Variants in PTPRK observed in about 807,000 individuals in gnomAD.
PTPRK encodes the protein protein tyrosine phosphatase receptor type K, also known as receptor-type tyrosine-protein phosphatase kappa.
PTPRK carries 75 observed loss-of-function variants against 178.0 expected under a neutral mutation model. That is an observed-to-expected ratio of 0.42 (90% CI 0.35 to 0.51). The LOEUF is 0.51. Ranked by LOEUF, PTPRK falls within the 20% of genes least tolerant of loss-of-function variation. The pLI, the probability that PTPRK is intolerant of heterozygous loss-of-function variation, is 0.02. For missense variants in PTPRK, 1,441 were observed against 1,797.8 expected (o/e 0.80, Z 3.59); for synonymous variants, 637 against 620.6 (o/e 1.03, Z -0.39).
intron 2 of PTPRK, among the ~76,000 whole-genome samples, chr6:128,324,651 C>A (rs1829303099): frequency 6.6e-6 from 1 of 152,062 alleles, no homozygotes; most frequent in South Asian, 2.1e-4. Flanking sequence ...TTCAATAATG[C>A]CTGACTACTG....
chr6:128,184,542 C>A lies in PTPRK; in HGVS notation c.1052G>T (p.Trp351Leu), dbSNP rs1404607466. The stretch of plus-strand genomic sequence containing the variant: ...ATATTCGGTATCTGGATCTAAATGC[C>A]ATAATTTGTAAGTTGGAGCATTGAC... The part of the protein sequence containing the change: ...HAVNAPTYKL[W>L]HLDPDTEYEI... The change falls in exon 7 of 30, where the codon TGG (tryptophan) becomes TTG (leucine). Residue 351 changes from tryptophan to leucine, a missense_variant. This residue lies in a region of PTPRK where 945 missense variants were observed against 1,080.6 expected (regional missense o/e 0.87). Transcript: ENST00000368226. 3 of 1,613,756 alleles carry A rather than the reference C, an allele frequency of 1.9e-6. No homozygotes were observed. The highest frequency in any genetic ancestry group is 2.5e-6 in the Non-Finnish European group (3 of 1,179,900).
chr6:128,243,817 TTTGCAA>T (rs1281347330), intron 3 of PTPRK, among the ~76,000 whole-genome samples: 1 of 152,240 alleles, frequency 6.6e-6, no homozygotes, highest in Non-Finnish European at 1.5e-5. Context: ...TTTTGGAGTA[TTTGCAA>T]AGCATTTTTT....
Position 128,363,523 on chromosome 6 carries a change from A to G in PTPRK, c.223+34043T>C, listed in dbSNP as rs750046367. Among the ~76,000 whole-genome samples the G allele has an allele frequency of 6.6e-5, 10 of 152,182 alleles. No individual in the cohort carries two copies. In the East Asian group the frequency reaches 1.7e-3, roughly 26 times the overall value. Reference sequence around the variant, plus strand: ...CAAAATCAAAGAGTTGGTCATATCAATGGTCTGTTCTAAACTACTTGATAA... The same window carrying G: ...CAAAATCAAAGAGTTGGTCATATCAGTGGTCTGTTCTAAACTACTTGATAA... On this transcript the variant is annotated intron_variant, in intron 2 of 29. Coordinates refer to ENST00000368226, the MANE Select transcript of PTPRK (RefSeq NM_002844.4).
intron 1 of PTPRK, among the ~76,000 whole-genome samples, chr6:128,480,390 C>A (rs1447663923): frequency 7.2e-6 from 1 of 138,796 alleles, no homozygotes; most frequent in African/African-American, 2.9e-5. Flanking sequence ...TCCCAAACCC[C>A]TAGGCTCATA....
intron 2 of PTPRK, among the ~76,000 whole-genome samples, chr6:128,373,912 A>C (rs1260126489): frequency 6.6e-6 from 1 of 152,214 alleles, no homozygotes; most frequent in Non-Finnish European, 1.5e-5. Flanking sequence ...TGTTACAATT[A>C]ATTGTATTCC....
intron 7 of PTPRK, among the ~76,000 whole-genome samples, chr6:128,102,241 G>T (rs1413823749): frequency 1.3e-5 from 2 of 152,120 alleles, no homozygotes; most frequent in East Asian, 3.8e-4. Context: ...TAATTAGCAA[G>T]AAATTACAGA....
At chr6:128,200,653 T>C (rs567321170) in intron 6 of PTPRK, among the ~76,000 whole-genome samples, 4 of 151,584 alleles carry the variant, frequency 2.6e-5, no homozygotes, top group Non-Finnish European at 4.4e-5. Context: ...ATTGCTTGTA[T>C]CTGGGAGGCT....
intron 3 of PTPRK, among the ~76,000 whole-genome samples, chr6:128,257,113 C>T (rs867802297): frequency 2.6e-5 from 4 of 151,708 alleles, no homozygotes; most frequent in African/African-American, 9.7e-5. Flanking sequence ...GCCTGTAATC[C>T]CAGCTACTCG....
chr6:128,201,175 C>T (rs78335515), intron 6 of PTPRK, among the ~76,000 whole-genome samples: 3,784 of 152,170 alleles, frequency 0.025, 97 homozygotes, highest in African/African-American at 0.067. Flanking sequence ...CAAAGAATCT[C>T]ATGATATTAT....
chr6:128,353,462 G>A (rs1311006320), intron 2 of PTPRK, among the ~76,000 whole-genome samples: 1 of 152,068 alleles, frequency 6.6e-6, no homozygotes, highest in Non-Finnish European at 1.5e-5. Context: ...AAACAAAAAT[G>A]TCCCTCAATG....
chr6:128,277,302 T>C (rs1820874205), intron 3 of PTPRK, among the ~76,000 whole-genome samples: 1 of 152,138 alleles, frequency 6.6e-6, no homozygotes. Flanking sequence ...CATAGTACAT[T>C]GAACCAAATA....
At chr6:128,212,207 T>C (rs1808317681) in intron 6 of PTPRK, among the ~76,000 whole-genome samples, 1 of 152,058 alleles carries the variant, frequency 6.6e-6, no homozygotes, top group African/African-American at 2.4e-5. Flanking sequence ...AATTATGAGA[T>C]TCTTAAGTAC....
At chr6:128,024,321 T>G (rs1321745269) in intron 13 of PTPRK, among the ~76,000 whole-genome samples, 2 of 152,222 alleles carry the variant, frequency 1.3e-5, no homozygotes, top group Non-Finnish European at 2.9e-5. Context: ...TAACAGATGA[T>G]GTTCTCAATA....
intron 2 of PTPRK, among the ~76,000 whole-genome samples, chr6:128,346,793 T>C (rs1325506060): frequency 1.3e-5 from 2 of 151,992 alleles, no homozygotes; most frequent in Non-Finnish European, 2.9e-5. Flanking sequence ...AGGATTACCG[T>C]GAGGAATATA....
chr6:128,508,632 G>A (rs1011701434), intron 1 of PTPRK, among the ~76,000 whole-genome samples: 1 of 152,104 alleles, frequency 6.6e-6, no homozygotes, highest in African/African-American at 2.4e-5. Context: ...TTGGCCAACT[G>A]TGGTCCAAAA....
chr6:128,463,496 G>A (rs1849343293), intron 1 of PTPRK, among the ~76,000 whole-genome samples: 2 of 152,026 alleles, frequency 1.3e-5, no homozygotes, highest in African/African-American at 4.8e-5. Context: ...GCACCTTGAT[G>A]CCACATCTAT....
chr6:128,088,077 T>G (rs1430240637), intron 8 of PTPRK, among the ~76,000 whole-genome samples: 1 of 152,114 alleles, frequency 6.6e-6, no homozygotes, highest in Non-Finnish European at 1.5e-5. Context: ...TTTATGAAAC[T>G]CAAATAAAAA....
At chr6:128,006,793 C>T (rs1778478509) in intron 14 of PTPRK, among the ~76,000 whole-genome samples, 1 of 150,914 alleles carries the variant, frequency 6.6e-6, no homozygotes, top group Admixed American at 6.6e-5. Context: ...TAAAAAATGA[C>T]ATTGCGTTTT....
chr6:128,149,227 C>T (rs1028199155), intron 7 of PTPRK, among the ~76,000 whole-genome samples: 7 of 151,620 alleles, frequency 4.6e-5, no homozygotes, highest in Admixed American at 4.6e-4. Flanking sequence ...AGGTACAGCA[C>T]ACCAACATGG....
Sources: allele counts gnomAD v4.1 joint callset (sites outside exome capture counted in the v4.1 genomes callset), GRCh38; gene constraint gnomAD v4.1.1; regional missense constraint gnomAD v4.1.1; transcripts MANE v1.5; gene names NCBI Gene and HGNC (gene_info 2026-07-23, HGNC 2026-07-21).